APBB2: variants seen among roughly 807,000 people sequenced by gnomAD.
APBB2 encodes amyloid beta precursor protein binding family B member 2, also known as Fe65-like 1.
Under a neutral mutation model 82.5 loss-of-function variants are expected in APBB2, and 38 were observed. The ratio of observed to expected loss-of-function variants is 0.46; its 90% CI spans 0.36 to 0.60. The LOEUF is 0.60. Among genes scored for constraint, APBB2 ranks in the 20% least tolerant of loss-of-function variants. The pLI, the probability that APBB2 is intolerant of heterozygous loss-of-function variation, is 0.00. For synonymous variants in APBB2, 341 were observed against 368.2 expected, an observed-to-expected ratio of 0.93 and a Z score of 0.85; for missense variants, 772 against 972.3, an observed-to-expected ratio of 0.79 and a Z score of 2.74.
At chr4:41,034,165 C>T (rs1436359481) in intron 4 of APBB2, among the ~76,000 whole-genome samples, 2 of 152,314 alleles carry the variant, frequency 1.3e-5, no homozygotes, top group Admixed American at 6.5e-5. Context: ...GACAAGCTAA[C>T]GTGGATTCTA....
intron 1 of APBB2, among the ~76,000 whole-genome samples, chr4:41,209,483 G>A (rs553927981): frequency 6.6e-6 from 1 of 152,310 alleles, no homozygotes; most frequent in East Asian, 1.9e-4. Flanking sequence ...AGTGAAAGTC[G>A]TATTCCAGAG....
intron 5 of APBB2, among the ~76,000 whole-genome samples, chr4:41,027,898 C>T (rs1342637212): frequency 1.3e-5 from 2 of 152,238 alleles, no homozygotes; most frequent in East Asian, 1.9e-4. Flanking sequence ...ATTCATCATG[C>T]TATGTTGAGT....
chr4:40,815,815 G>T lies in APBB2; in HGVS notation c.*277C>A. 2.8e-6 allele frequency: 1 copy of T among 351,786 alleles called. No individual in the cohort carries two copies. Among genetic ancestry groups the T allele is most frequent in the Non-Finnish European group, 5.3e-6 (1 of 189,284 alleles). The allele number at this position is 351,786 out of a possible 1,614,324, so 21.8% of individuals were successfully genotyped here. On this transcript the variant is annotated 3_prime_UTR_variant, in exon 18 of 18. Coordinates refer to ENST00000508593, the MANE Select transcript of APBB2 (RefSeq NM_004307.2). ...GGGCCACACTCTTCTCTGTGTGTGT[G>T]TGAAGTTAAGTAATGTTCACAATAT...
intron 5 of APBB2, among the ~76,000 whole-genome samples, chr4:41,023,157 GT>G (rs1191081410): frequency 2.6e-5 from 4 of 152,256 alleles, no homozygotes; most frequent in Admixed American, 1.3e-4. Context: ...GTACTTCCCT[GT>G]CAAACATGAC....
rs756639650 is a variant in APBB2 at position 40,914,011 on chromosome 4, G to A, written c.1254+20445C>T. On this transcript the variant is annotated intron_variant, in intron 10 of 17. Coordinates refer to ENST00000508593, the MANE Select transcript of APBB2 (RefSeq NM_004307.2). ...AGCACCTTGGGACGCTGAGATGGGC[G>A]GACCACCTGAGGTCAGGAGTTTGAG... Among the ~76,000 whole-genome samples the A allele has an allele frequency of 5.3e-5, 8 of 152,172 alleles. No homozygotes were observed. In the South Asian group the frequency reaches 1.7e-3, roughly 32 times the overall value.
intron 2 of APBB2, among the ~76,000 whole-genome samples, chr4:41,107,406 C>T (rs543736622): frequency 6.6e-6 from 1 of 152,270 alleles, no homozygotes; most frequent in South Asian, 2.1e-4. Flanking sequence ...GGGGGAAACT[C>T]TTCTTTATAA....
intron 6 of APBB2, among the ~76,000 whole-genome samples, chr4:40,951,157 C>G (rs1790027369): frequency 1.3e-5 from 2 of 152,200 alleles, no homozygotes; most frequent in South Asian, 2.1e-4. Flanking sequence ...AGAGGTTTCT[C>G]AAGGACTTCT....
intron 3 of APBB2, among the ~76,000 whole-genome samples, chr4:41,094,615 A>C (rs1742879646): frequency 6.6e-6 from 1 of 152,176 alleles, no homozygotes; most frequent in South Asian, 2.1e-4. Context: ...CCCAGGCTGG[A>C]GAGCAGTGGT....
chr4:41,116,435 C>T (rs1751013322), intron 2 of APBB2, among the ~76,000 whole-genome samples: 1 of 152,108 alleles, frequency 6.6e-6, no homozygotes, highest in Admixed American at 6.5e-5. Flanking sequence ...GCACGTTCTG[C>T]ACATGTACCC....
intron 6 of APBB2, among the ~76,000 whole-genome samples, chr4:40,982,221 G>GAAAAGAAAGAAAGAAAGAAAGAAA (rs766666523): frequency 1.6e-4 from 2 of 12,884 alleles, no homozygotes; most frequent in African/African-American, 3.3e-4. Flanking sequence ...AGAAAAGAAA[G>GAAAAGAAAGAAAGAAAGAAAGAAA]GAAAGAAAGA....
Position 40,838,329 on chromosome 4 carries a change from ATTTTTTTTTTTT to A in APBB2, c.1530-7764_1530-7753del, listed in dbSNP as rs780767835. ...AGGTGTGCACCACCACACATGGCTAATTTTTTTTTTTTTTTTTTTTTTTTGAGACGGAGTCTC... is the reference window on the plus strand; with the variant it reads ...AGGTGTGCACCACCACACATGGCTAATTTTTTTTTTTTGAGACGGAGTCTC... On this transcript the variant is annotated intron_variant, in intron 12 of 17. Transcript: ENST00000508593. 1.5e-4 allele frequency among the ~76,000 whole-genome samples: 11 copies of A among 72,274 alleles called. No homozygotes were observed. In the Admixed American group the frequency reaches 1.7e-3, roughly 11 times the overall value. 47.4% of individuals were successfully genotyped at this position (72,274 alleles called of 152,430 possible).
intron 2 of APBB2, among the ~76,000 whole-genome samples, chr4:41,113,388 G>C (rs1749883976): frequency 6.6e-6 from 1 of 152,080 alleles, no homozygotes; most frequent in South Asian, 2.1e-4. Context: ...GAGGTAAGAG[G>C]CATAACAATG....
intron 3 of APBB2, among the ~76,000 whole-genome samples, chr4:41,092,912 C>A (rs75094373): frequency 0.078 from 11,924 of 152,194 alleles, 585 homozygotes; most frequent in Non-Finnish European, 0.1. Flanking sequence ...TTCACCCTCT[C>A]CTTCAGGCCA....
At chr4:40,819,474 C>A (rs1747054138) in intron 17 of APBB2, among the ~76,000 whole-genome samples, 1 of 152,130 alleles carries the variant, frequency 6.6e-6, no homozygotes, top group African/African-American at 2.4e-5. Flanking sequence ...GCGTGAGCTA[C>A]TGTGCCCAGC....
chr4:40,958,744 T>A (rs1792322240), intron 6 of APBB2, among the ~76,000 whole-genome samples: 1 of 152,184 alleles, frequency 6.6e-6, no homozygotes, highest in Non-Finnish European at 1.5e-5. Context: ...TAGCTGGGAC[T>A]ACAGTTGCCC....
At chr4:41,169,699 T>C (rs1767715710) in intron 1 of APBB2, among the ~76,000 whole-genome samples, 1 of 152,238 alleles carries the variant, frequency 6.6e-6, no homozygotes, top group African/African-American at 2.4e-5. Context: ...TCTTCTAAAA[T>C]GCCTCCATCG....
At chr4:40,922,971 A>AT (rs1170051688) in intron 10 of APBB2, among the ~76,000 whole-genome samples, 1 of 125,482 alleles carries the variant, frequency 8.0e-6, no homozygotes, top group Non-Finnish European at 1.7e-5. Context: ...TTCTCCATCA[A>AT]TTTTTTTCTT....
At position 40,916,866 on chromosome 4, in the gene APBB2, C is replaced by T. The variant is rs550339963; in HGVS notation, c.1254+17590G>A. 2.0e-5 allele frequency among the ~76,000 whole-genome samples: 3 copies of T among 152,286 alleles called. No individual in the cohort carries two copies. The East Asian group carries it at 5.8e-4, about 29-fold the overall frequency. On this transcript the variant is annotated intron_variant, in intron 10 of 17. Transcript: ENST00000508593. Reference sequence around the variant, plus strand: ...GAGATGGTGACGGGGCAGAAGTATGCAGTGAACGGGAGACCTGAGTGTGGA... The same window carrying T: ...GAGATGGTGACGGGGCAGAAGTATGTAGTGAACGGGAGACCTGAGTGTGGA...
intron 2 of APBB2, among the ~76,000 whole-genome samples, chr4:41,119,233 G>A (rs1752056678): frequency 6.6e-6 from 1 of 151,856 alleles, no homozygotes; most frequent in Non-Finnish European, 1.5e-5. Context: ...CCAAAGAAGT[G>A]TAGTCCTATC....
Sources: gnomAD v4.1 joint callset for allele counts (sites outside exome capture counted in the v4.1 genomes callset) on GRCh38, gnomAD v4.1.1 for gene constraint, MANE v1.5 for transcripts, NCBI Gene and HGNC (gene_info 2026-07-23, HGNC 2026-07-21) for gene names.